The following RBFOX1 variants were observed in gnomAD, a reference collection of about 807,000 sequenced individuals.
RBFOX1 encodes the protein RNA binding protein fox-1 homolog 1.
In RBFOX1, 8 loss-of-function variants were observed where a neutral mutation model predicts 57.7. The observed-to-expected ratio is 0.14, with a 90% CI of 0.08 to 0.25. RBFOX1 has a LOEUF of 0.25. Ranked by LOEUF, RBFOX1 falls within the 10% of genes least tolerant of loss-of-function variation. The pLI is 1.00. For missense variants in RBFOX1, 611 were observed against 548.5 expected (o/e 1.11, Z -1.14); for synonymous variants, 326 against 222.4 (o/e 1.47, Z -4.15).
chr16:7,188,726 T>G (rs566111285), intron 4 of RBFOX1, among the ~76,000 whole-genome samples: 3 of 152,302 alleles, frequency 2.0e-5, no homozygotes, highest in African/African-American at 7.2e-5. Flanking sequence ...ACCATATATT[T>G]GGAGATTCAG....
At chr16:5,412,343 A>T (rs941447943) in intron 1 of RBFOX1, among the ~76,000 whole-genome samples, 2 of 152,178 alleles carry the variant, frequency 1.3e-5, no homozygotes, top group Non-Finnish European at 2.9e-5. Flanking sequence ...GCTAGGCACA[A>T]AGTAAATACT....
intron 1 of RBFOX1, among the ~76,000 whole-genome samples, chr16:5,399,541 C>G (rs1311827232): frequency 6.6e-6 from 1 of 151,892 alleles, no homozygotes; most frequent in Non-Finnish European, 1.5e-5. Context: ...TGGATCAATG[C>G]CATCCTGGGA....
chr16:7,667,053 A>G (rs975439818), intron 13 of RBFOX1, among the ~76,000 whole-genome samples: 24 of 152,308 alleles, frequency 1.6e-4, no homozygotes, highest in African/African-American at 4.1e-4. Context: ...TATAATGACA[A>G]TAAGATTTTT....
At chr16:5,780,205 C>T (rs1465004243) in intron 3 of RBFOX1, among the ~76,000 whole-genome samples, 1 of 152,130 alleles carries the variant, frequency 6.6e-6, no homozygotes, top group African/African-American at 2.4e-5. Flanking sequence ...ATTTCACTAT[C>T]TTGGCCAGGC....
intron 1 of RBFOX1, among the ~76,000 whole-genome samples, chr16:6,307,351 T>C (rs2079636892): frequency 6.6e-6 from 1 of 151,908 alleles, no homozygotes; most frequent in Non-Finnish European, 1.5e-5. Context: ...CACTGCACTC[T>C]AGCCTGGGTG....
chr16:5,246,124 C>G (rs569958728), intron 1 of RBFOX1, among the ~76,000 whole-genome samples: 1 of 152,100 alleles, frequency 6.6e-6, no homozygotes, highest in Admixed American at 6.6e-5. Flanking sequence ...CACCTGTAAT[C>G]CCAGCTACTT....
chr16:7,226,775 A>C (rs1262685378), intron 4 of RBFOX1, among the ~76,000 whole-genome samples: 1 of 152,172 alleles, frequency 6.6e-6, no homozygotes. Context: ...CTTCAAATTC[A>C]TACTCCTGTA....
chr16:7,470,621 T>G (rs2061391729), intron 4 of RBFOX1, among the ~76,000 whole-genome samples: 1 of 151,924 alleles, frequency 6.6e-6, no homozygotes, highest in Non-Finnish European at 1.5e-5. Context: ...GTTGGATGGT[T>G]AGGTGGGTGA....
At chr16:7,422,138 CTGTG>C (rs2098548770) in intron 4 of RBFOX1, among the ~76,000 whole-genome samples, 1 of 152,090 alleles carries the variant, frequency 6.6e-6, no homozygotes, top group Non-Finnish European at 1.5e-5. Context: ...CATCGTATTT[CTGTG>C]TGTATGTTTG....
At chr16:7,709,608 G>T (rs1362750308) in intron 15 of RBFOX1, 2 of 1,532,252 alleles carry the variant, frequency 1.3e-6, no homozygotes, top group East Asian at 4.9e-5. Context: ...TACAATTCAT[G>T]TTTAAAGTCA....
At chr16:7,008,026 C>T (rs1054440444) in intron 3 of RBFOX1, among the ~76,000 whole-genome samples, 3 of 151,982 alleles carry the variant, frequency 2.0e-5, no homozygotes, top group African/African-American at 7.3e-5. Flanking sequence ...TGTCTCTCAC[C>T]CAACTTAGCA....
chr16:7,263,877 G>T lies in RBFOX1; in HGVS notation c.27+211779G>T, dbSNP rs980735605. 4.7e-5 allele frequency among the ~76,000 whole-genome samples: 7 copies of T among 150,042 alleles called. No individual in the cohort carries two copies. The South Asian group carries it at 1.3e-3, about 27-fold the overall frequency. ...ATTGCACCATTGCACTCCAGCCTGG[G>T]CAACAAGAGCAAAACTCAGTCTCAA... On this transcript the variant is annotated intron_variant, in intron 4 of 15. Coordinates refer to ENST00000550418, the MANE Select transcript of RBFOX1 (RefSeq NM_018723.4).
chr16:5,411,583 G>A (rs1279335375), intron 1 of RBFOX1, among the ~76,000 whole-genome samples: 1 of 152,162 alleles, frequency 6.6e-6, no homozygotes, highest in Non-Finnish European at 1.5e-5. Flanking sequence ...TAAGTTTGTG[G>A]CAATTTGTTA....
chr16:6,413,046 A>G (rs1291063943), intron 2 of RBFOX1, among the ~76,000 whole-genome samples: 25 of 152,356 alleles, frequency 1.6e-4, no homozygotes, highest in Non-Finnish European at 1.3e-4. Flanking sequence ...TTGGCCAGGT[A>G]CAGTGCCTCA....
intron 4 of RBFOX1, among the ~76,000 whole-genome samples, chr16:7,301,304 G>C (rs1046087127): frequency 6.6e-6 from 1 of 152,216 alleles, no homozygotes; most frequent in Admixed American, 6.5e-5. Context: ...CCCTGTGTGT[G>C]ATTGTGTTTG....
At chr16:6,599,586 A>T (rs1195824979) in intron 2 of RBFOX1, among the ~76,000 whole-genome samples, 1 of 152,108 alleles carries the variant, frequency 6.6e-6, no homozygotes, top group African/African-American at 2.4e-5. Context: ...ACTTGCAAAA[A>T]CTTGATTTTC....
intron 3 of RBFOX1, among the ~76,000 whole-genome samples, chr16:6,960,353 G>T (rs1482122713): frequency 2.6e-5 from 4 of 152,148 alleles, no homozygotes; most frequent in African/African-American, 9.7e-5. Flanking sequence ...ATATAGCTTA[G>T]AAGCTGTATA....
chr16:7,094,065 G>A (rs2061302866), intron 4 of RBFOX1, among the ~76,000 whole-genome samples: 1 of 150,226 alleles, frequency 6.7e-6, no homozygotes, highest in Admixed American at 6.7e-5. Flanking sequence ...CAGAGGATCA[G>A]AGCAAAACAT....
intron 13 of RBFOX1, among the ~76,000 whole-genome samples, chr16:7,676,085 GATTTT>G (rs1384242900): frequency 6.6e-6 from 1 of 152,118 alleles, no homozygotes; most frequent in East Asian, 1.9e-4. Flanking sequence ...TTCTGTTAAT[GATTTT>G]ATTTACAAAT....
Sources: gnomAD v4.1 joint callset for allele counts (sites outside exome capture counted in the v4.1 genomes callset) on GRCh38, gnomAD v4.1.1 for gene constraint, MANE v1.5 for transcripts, NCBI Gene and HGNC (gene_info 2026-07-23, HGNC 2026-07-21) for gene names.